The following CORO2B variants were observed in gnomAD, a reference collection of about 807,000 sequenced individuals.
The protein encoded by CORO2B is coronin-2B.
CORO2B carries 26 observed loss-of-function variants against 58.8 expected under a neutral mutation model. That is an observed-to-expected ratio of 0.44 (90% confidence interval 0.32 to 0.61). The LOEUF is 0.61. Ranked by LOEUF, CORO2B falls within the 20% of genes least tolerant of loss-of-function variation. CORO2B has a pLI of 0.04. For synonymous variants in CORO2B, 242 were observed against 253.8 expected (o/e 0.95, Z 0.44); for missense variants, 460 against 645.1 (o/e 0.71, Z 3.11).
At chr15:68,682,900 AGG>A (rs1902836806) in intron 2 of CORO2B, among the ~76,000 whole-genome samples, 2 of 152,144 alleles carry the variant, frequency 1.3e-5, no homozygotes, top group African/African-American at 2.4e-5. Context: ...ACTACAGGAG[AGG>A]TGTGTGGAAT....
intron 3 of CORO2B, among the ~76,000 whole-genome samples, chr15:68,706,204 C>T (rs75806310): frequency 0.027 from 4,071 of 152,300 alleles, 186 homozygotes; most frequent in African/African-American, 0.094. Context: ...TACCTGCTGG[C>T]GCCCGACCCC....
chr15:68,580,809 G>A (rs1899408422), intron 1 of CORO2B, among the ~76,000 whole-genome samples: 1 of 152,026 alleles, frequency 6.6e-6, no homozygotes, highest in Admixed American at 6.5e-5. Context: ...TAGCGCTGAG[G>A]ATTAACTCAG....
intron 1 of CORO2B, among the ~76,000 whole-genome samples, chr15:68,614,801 C>T (rs1425423980): frequency 1.3e-5 from 2 of 152,200 alleles, no homozygotes; most frequent in African/African-American, 4.8e-5. Context: ...CTGACTGGAG[C>T]GCTTTGTGTC....
At chr15:68,609,526 G>A (rs1363759398) in intron 1 of CORO2B, among the ~76,000 whole-genome samples, 1 of 152,196 alleles carries the variant, frequency 6.6e-6, no homozygotes, top group East Asian at 1.9e-4. Context: ...GAAGGGAAAT[G>A]TCTGAGCTCC....
upstream of CORO2B, among the ~76,000 whole-genome samples, chr15:68,575,434 T>C (rs1899261962): frequency 3.7e-5 from 1 of 27,084 alleles, no homozygotes; most frequent in African/African-American, 7.7e-5. Flanking sequence ...GCCTCCCAAG[T>C]TCAAGCAATT....
intron 3 of CORO2B, among the ~76,000 whole-genome samples, chr15:68,709,260 G>T (rs1043284046): frequency 2.0e-5 from 3 of 152,018 alleles, no homozygotes; most frequent in Non-Finnish European, 4.4e-5. Context: ...GCTTCCAAAA[G>T]AGTTACTCTG....
chr15:68,708,711 G>A (rs1344585840), intron 3 of CORO2B, among the ~76,000 whole-genome samples: 5 of 151,426 alleles, frequency 3.3e-5, no homozygotes, highest in African/African-American at 4.9e-5. Flanking sequence ...ACAGAGTCTC[G>A]CTCTGTTGCC....
intron 2 of CORO2B, among the ~76,000 whole-genome samples, chr15:68,667,002 G>A (rs904208187): frequency 2.0e-5 from 3 of 152,060 alleles, no homozygotes; most frequent in African/African-American, 7.2e-5. Flanking sequence ...CTCAGCTGCA[G>A]CACAGGTGAG....
intron 2 of CORO2B, among the ~76,000 whole-genome samples, chr15:68,662,582 G>C (rs1232786694): frequency 1.3e-5 from 2 of 152,208 alleles, no homozygotes; most frequent in African/African-American, 4.8e-5. Flanking sequence ...ATTTATTGGA[G>C]AGATGAATTG....
chr15:68,616,120 G>A (rs547596412), intron 1 of CORO2B, among the ~76,000 whole-genome samples: 36 of 152,266 alleles, frequency 2.4e-4, no homozygotes, highest in African/African-American at 8.7e-4. Context: ...TTAAGTAATT[G>A]CCCAAGGACT....
chr15:68,704,697 G>A (rs557966140), intron 3 of CORO2B, among the ~76,000 whole-genome samples: 43 of 152,190 alleles, frequency 2.8e-4, no homozygotes, highest in Middle Eastern at 6.8e-3. Context: ...CCGTTCCCCC[G>A]TATCTAATCT....
At chr15:68,684,923 C>A (rs17278924) in intron 2 of CORO2B, among the ~76,000 whole-genome samples, 4 of 152,114 alleles carry the variant, frequency 2.6e-5, no homozygotes, top group Non-Finnish European at 2.9e-5. Context: ...TATCAACTTC[C>A]AGTCATAGAA....
chr15:68,598,646 CG>C (rs1250374800), intron 1 of CORO2B, among the ~76,000 whole-genome samples: 10 of 152,182 alleles, frequency 6.6e-5, no homozygotes, highest in Non-Finnish European at 1.0e-4. Flanking sequence ...TCTGCAGCAG[CG>C]TACTCTCCCC....
chr15:68,643,232 T>TGATGA (rs1901314091), intron 1 of CORO2B, among the ~76,000 whole-genome samples: 1 of 151,892 alleles, frequency 6.6e-6, no homozygotes, highest in Non-Finnish European at 1.5e-5. Context: ...GTTGGTGTCC[T>TGATGA]GATGAGGAGC....
the CORO2B span, among the ~76,000 whole-genome samples, chr15:68,529,401 G>A: frequency 2.0e-5 from 3 of 152,102 alleles, no homozygotes; most frequent in Non-Finnish European, 2.9e-5. Flanking sequence ...ATATCACAAC[G>A]TTCAAGAAAT....
the CORO2B span, among the ~76,000 whole-genome samples, chr15:68,558,141 G>A: frequency 1.2e-4 from 18 of 152,168 alleles, no homozygotes; most frequent in Non-Finnish European, 2.9e-5. Flanking sequence ...GGGCCAGCCT[G>A]GCGGAGGGCA....
the CORO2B span, among the ~76,000 whole-genome samples, chr15:68,537,498 T>A: frequency 2.0e-5 from 3 of 152,182 alleles, no homozygotes; most frequent in Admixed American, 2.0e-4. Flanking sequence ...TTTTGCTAAT[T>A]TTTTTTAAGT....
At chr15:68,566,555 G>A in the CORO2B span, among the ~76,000 whole-genome samples, 2 of 152,120 alleles carry the variant, frequency 1.3e-5, no homozygotes, top group Non-Finnish European at 2.9e-5. Flanking sequence ...CAGGATACCC[G>A]GCGGACTCTT....
At chr15:68,685,611 C>A (rs1441774525) in intron 2 of CORO2B, among the ~76,000 whole-genome samples, 1 of 152,236 alleles carries the variant, frequency 6.6e-6, no homozygotes, top group Non-Finnish European at 1.5e-5. Flanking sequence ...CTCCAGGAGG[C>A]AGGAGGCCCA....
Sources: gnomAD v4.1 joint callset for allele counts (sites outside exome capture counted in the v4.1 genomes callset) on GRCh38, gnomAD v4.1.1 for gene constraint, MANE v1.5 for transcripts, NCBI Gene and HGNC (gene_info 2026-07-23, HGNC 2026-07-21) for gene names.